The following SAMD12 variants were observed in gnomAD, a reference collection of about 807,000 sequenced individuals.
The protein encoded by SAMD12 is sterile alpha motif domain containing 12, also known as sterile alpha motif domain-containing protein 12.
A neutral mutation model predicts 15.0 loss-of-function variants in SAMD12; 9 were observed. That is an observed-to-expected ratio of 0.60 (90% CI 0.36 to 1.05). The LOEUF (loss-of-function observed/expected upper bound fraction) is 1.05, where lower values mean the gene tolerates loss of function less well. Ranked by LOEUF, SAMD12 falls within the 50% of genes least tolerant of loss-of-function variation. The pLI is 0.01. For synonymous variants in SAMD12, 86 were observed against 90.1 expected (o/e 0.96, Z 0.25); for missense variants, 230 against 234.2 (o/e 0.98, Z 0.12).
At chr8:118,211,009 C>A (rs956662436) in intron 4 of SAMD12, among the ~76,000 whole-genome samples, 1 of 152,180 alleles carries the variant, frequency 6.6e-6, no homozygotes, top group Non-Finnish European at 1.5e-5. Context: ...AGAAAGCTCC[C>A]AGTCTAATGA....
intron 4 of SAMD12, among the ~76,000 whole-genome samples, chr8:118,331,555 C>T (rs754320243): frequency 6.6e-6 from 1 of 152,036 alleles, no homozygotes; most frequent in Non-Finnish European, 1.5e-5. Flanking sequence ...TTTTATCAGC[C>T]CAAGCTGTCC....
intron 2 of SAMD12, among the ~76,000 whole-genome samples, chr8:118,486,271 T>C (rs886389565): frequency 2.5e-4 from 38 of 151,534 alleles, no homozygotes; most frequent in South Asian, 6.3e-4. Flanking sequence ...AAAAAATTAG[T>C]CGGGTGTAGT....
intron 3 of SAMD12, among the ~76,000 whole-genome samples, chr8:118,411,222 C>A (rs537766543): frequency 6.6e-6 from 1 of 152,228 alleles, no homozygotes; most frequent in South Asian, 2.1e-4. Flanking sequence ...AGGAAATTTG[C>A]AATTTTCAAG....
chr8:118,245,312 A>G (rs2129986833), intron 4 of SAMD12, among the ~76,000 whole-genome samples: 1 of 152,250 alleles, frequency 6.6e-6, no homozygotes, highest in African/African-American at 2.4e-5. Context: ...AGCAACAGTG[A>G]ACTTATTCAA....
chr8:118,428,192 CT>C (rs1822291386), intron 3 of SAMD12, among the ~76,000 whole-genome samples: 1 of 152,046 alleles, frequency 6.6e-6, no homozygotes, highest in African/African-American at 2.4e-5. Context: ...AATAAAAGTG[CT>C]TTCTTCTTGT....
intron 3 of SAMD12, among the ~76,000 whole-genome samples, chr8:118,410,180 T>C (rs1054181272): frequency 2.6e-5 from 4 of 152,186 alleles, no homozygotes; most frequent in African/African-American, 4.8e-5. Flanking sequence ...TAAGGGTACA[T>C]GTTCAAAACT....
At chr8:118,142,308 C>T in the SAMD12 span, among the ~76,000 whole-genome samples, 28 of 152,124 alleles carry the variant, frequency 1.8e-4, no homozygotes, top group African/African-American at 6.8e-4. Context: ...ACCCACATTC[C>T]CCCTTTACCT....
At chr8:118,319,219 G>C (rs1412410915) in intron 4 of SAMD12, among the ~76,000 whole-genome samples, 2 of 152,112 alleles carry the variant, frequency 1.3e-5, no homozygotes, top group East Asian at 3.9e-4. Flanking sequence ...TCCATTAATG[G>C]GGGTGGTGGG....
chr8:118,260,789 T>A (rs550449504), intron 4 of SAMD12, among the ~76,000 whole-genome samples: 1 of 152,224 alleles, frequency 6.6e-6, no homozygotes, highest in African/African-American at 2.4e-5. Context: ...TCTCTCCAGG[T>A]CGAAGGACAC....
chr8:118,424,564 A>G (rs1822160252), intron 3 of SAMD12, among the ~76,000 whole-genome samples: 1 of 152,202 alleles, frequency 6.6e-6, no homozygotes, highest in East Asian at 1.9e-4. Context: ...AACATTTAAG[A>G]GTAACATTAC....
chr8:118,547,589 G>T (rs1232099025), intron 2 of SAMD12, among the ~76,000 whole-genome samples: 1 of 152,118 alleles, frequency 6.6e-6, no homozygotes, highest in Non-Finnish European at 1.5e-5. Context: ...TATTAACTGA[G>T]CAATGATCTA....
At chr8:118,132,970 GTGTATATATATATATATATATATATATA>G in the SAMD12 span, among the ~76,000 whole-genome samples, 284 of 67,532 alleles carry the variant, frequency 4.2e-3, 11 homozygotes, top group South Asian at 0.016. Context: ...ATGTGTGTGT[GTGTATATATATATATATATATATATATA>G]TATATATATA....
chr8:118,314,270 C>T (rs1191942940), intron 4 of SAMD12, among the ~76,000 whole-genome samples: 2 of 152,056 alleles, frequency 1.3e-5, no homozygotes, highest in East Asian at 1.9e-4. Flanking sequence ...ATAAAATATA[C>T]CAGCTTTCTT....
intron 4 of SAMD12, among the ~76,000 whole-genome samples, chr8:118,346,997 G>C (rs147863197): frequency 2.0e-5 from 3 of 152,128 alleles, no homozygotes; most frequent in Non-Finnish European, 2.9e-5. Context: ...CCGAATTCCC[G>C]GACTCATGGG....
the SAMD12 span, among the ~76,000 whole-genome samples, chr8:118,147,240 G>T: frequency 6.6e-6 from 1 of 151,936 alleles, no homozygotes; most frequent in Non-Finnish European, 1.5e-5. Flanking sequence ...GGCCAGGCTG[G>T]TCTTGAACTC....
chr8:118,400,623 A>G (rs1820823587), intron 3 of SAMD12: 1 of 152,200 alleles, frequency 6.6e-6, no homozygotes, highest in African/African-American at 2.4e-5. Context: ...CAGAAGCTAC[A>G]TTTTTTTAAC....
chr8:118,229,852 C>A (rs1812269375), intron 4 of SAMD12, among the ~76,000 whole-genome samples: 1 of 152,126 alleles, frequency 6.6e-6, no homozygotes, highest in East Asian at 1.9e-4. Context: ...TGAGTGCCAT[C>A]CGAAGTTCAG....
intron 2 of SAMD12, among the ~76,000 whole-genome samples, chr8:118,550,700 G>A (rs908253822): frequency 6.6e-6 from 1 of 151,660 alleles, no homozygotes; most frequent in Non-Finnish European, 1.5e-5. Flanking sequence ...AATGTAAATG[G>A]ACTAAATGCT....
At chr8:118,370,810 A>C (rs1044802994) in intron 4 of SAMD12, among the ~76,000 whole-genome samples, 1 of 152,178 alleles carries the variant, frequency 6.6e-6, no homozygotes, top group Non-Finnish European at 1.5e-5. Context: ...GAGGGAGAGC[A>C]TCAGGAAAAA....
Sources: allele counts gnomAD v4.1 joint callset (sites outside exome capture counted in the v4.1 genomes callset), GRCh38; gene constraint gnomAD v4.1.1; transcripts MANE v1.5; gene names NCBI Gene and HGNC (gene_info 2026-07-23, HGNC 2026-07-21).